Variants in SLC13A3 observed in about 807,000 individuals in gnomAD.
The protein encoded by SLC13A3 is solute carrier family 13 member 3, also known as Na(+)/dicarboxylate cotransporter 3.
In SLC13A3, 40 loss-of-function variants were observed where a neutral mutation model predicts 59.0. That is an observed-to-expected ratio of 0.68 (90% CI 0.53 to 0.88). The LOEUF (loss-of-function observed/expected upper bound fraction) is 0.88, where lower values mean the gene tolerates loss of function less well. Among genes scored for constraint, SLC13A3 ranks in the 40% least tolerant of loss-of-function variants. The pLI, the probability that SLC13A3 is intolerant of heterozygous loss-of-function variation, is 0.00. For missense variants in SLC13A3, 699 were observed against 783.2 expected, an observed-to-expected ratio of 0.89 and a Z score of 1.28; for synonymous variants, 317 against 330.3, an observed-to-expected ratio of 0.96 and a Z score of 0.44.
chr20:46,574,308 A>T (rs1177283246), intron 10 of SLC13A3, among the ~76,000 whole-genome samples: 1 of 152,196 alleles, frequency 6.6e-6, no homozygotes, highest in African/African-American at 2.4e-5. Flanking sequence ...AATTTAAGAG[A>T]GTTGCTTAAT....
chr20:46,674,517 T>G (rs2063110840), upstream of SLC13A3, among the ~76,000 whole-genome samples: 1 of 152,072 alleles, frequency 6.6e-6, no homozygotes, highest in African/African-American at 2.4e-5. Context: ...TTCTGTTTTT[T>G]GTTCCAAACC....
chr20:46,583,036 T>A, intron 9 of SLC13A3: 2 of 986,210 alleles, frequency 2.0e-6, no homozygotes, highest in Middle Eastern at 5.2e-4. Context: ...CATGTGTGGC[T>A]CCCTGGGCAA....
chr20:46,596,409 T>A (rs543757243), intron 4 of SLC13A3, 67 bp from the exon 5 acceptor site: 1 of 1,445,098 alleles, frequency 6.9e-7, no homozygotes, highest in African/African-American at 1.4e-5. Context: ...TGCCTGGGAG[T>A]TGGGGAGCTA....
rs572777149 is a variant in SLC13A3, at chr20:46,607,959, C to T, written c.541+2487G>A. On this transcript the variant is annotated intron_variant, in intron 3 of 12. Transcript: ENST00000279027. Reference sequence around the variant, plus strand: ...GCGCATAAACTAAGTGCACAGTAAACATTGGTTATTATTGCTTAGAGGCCC... The same window carrying T: ...GCGCATAAACTAAGTGCACAGTAAATATTGGTTATTATTGCTTAGAGGCCC... Among the ~76,000 whole-genome samples, 3 of 152,262 alleles carry T rather than the reference C, an allele frequency of 2.0e-5. No homozygotes were observed. In the South Asian group the frequency reaches 6.2e-4, roughly 32 times the overall value.
chr20:46,563,711 C>G (rs980921118), intron 11 of SLC13A3, among the ~76,000 whole-genome samples, 160 bp from the exon 12 acceptor site: 2 of 151,834 alleles, frequency 1.3e-5, no homozygotes, highest in African/African-American at 4.8e-5. Context: ...TGGCAGAGAA[C>G]AACAGGGACA....
upstream of SLC13A3, among the ~76,000 whole-genome samples, chr20:46,653,900 C>T (rs1164005532): frequency 6.6e-6 from 1 of 152,084 alleles, no homozygotes; most frequent in Admixed American, 6.6e-5. Flanking sequence ...CAGCTATAAA[C>T]ATAGGTGTAC....
chr20:46,665,566 C>T (rs145293580), intron 1 of SLC13A3, among the ~76,000 whole-genome samples: 2 of 152,336 alleles, frequency 1.3e-5, no homozygotes, highest in East Asian at 1.9e-4. Flanking sequence ...TGTCACAGCA[C>T]GCATTGGTAC....
At chr20:46,651,687 A>G (rs1302332306), upstream of SLC13A3, among the ~76,000 whole-genome samples, 2 of 152,224 alleles carry the variant, frequency 1.3e-5, no homozygotes, top group Non-Finnish European at 2.9e-5. Context: ...CTTCCCAGCA[A>G]TGTGGCCTGG....
chr20:46,678,022 A>G (rs2063136150), intron 1 of SLC13A3, among the ~76,000 whole-genome samples: 1 of 152,252 alleles, frequency 6.6e-6, no homozygotes, highest in Non-Finnish European at 1.5e-5. Flanking sequence ...AAAAGCAAAC[A>G]TTATGTGAAC....
chr20:46,566,630 C>T (rs1014253692), intron 10 of SLC13A3: 2 of 402,590 alleles, frequency 5.0e-6, no homozygotes, highest in Non-Finnish European at 8.8e-6. Context: ...GGCCAGGGAC[C>T]CAAACCCCTG....
chr20:46,650,133 AG>A (rs1458632132), intron 1 of SLC13A3, among the ~76,000 whole-genome samples: 2 of 152,208 alleles, frequency 1.3e-5, no homozygotes, highest in African/African-American at 2.4e-5. Flanking sequence ...GCACAGGTGA[AG>A]AACCCAAAAG....
intron 11 of SLC13A3, among the ~76,000 whole-genome samples, chr20:46,565,670 A>C (rs1364994798): frequency 6.6e-6 from 1 of 151,848 alleles, no homozygotes; most frequent in Non-Finnish European, 1.5e-5. Context: ...GGGTAGGGGG[A>C]AGGATTTGTT....
chr20:46,600,085 C>A, intron 3 of SLC13A3, 48 bp from the exon 4 acceptor site: 1 of 1,403,002 alleles, frequency 7.1e-7, no homozygotes, highest in Non-Finnish European at 9.7e-7. Flanking sequence ...GCGAATGGAA[C>A]AGGAGTGTCC....
intron 1 of SLC13A3, among the ~76,000 whole-genome samples, chr20:46,635,265 A>C (rs2425888): frequency 0.64 from 97,011 of 151,906 alleles, 30,984 homozygotes; most frequent in East Asian, 0.75. Flanking sequence ...TATATATGGG[A>C]CCCAAAGGGA....
intron 11 of SLC13A3, among the ~76,000 whole-genome samples, chr20:46,564,731 A>C (rs527664755): frequency 2.0e-5 from 3 of 152,232 alleles, no homozygotes; most frequent in Admixed American, 2.0e-4. Context: ...TCTCAGTCAC[A>C]GGAATTTCTC....
At chr20:46,671,494 G>T (rs79624320), upstream of SLC13A3, among the ~76,000 whole-genome samples, 3,655 of 152,044 alleles carry the variant, frequency 0.024, 137 homozygotes, top group African/African-American at 0.082. Flanking sequence ...TTGAATGTTA[G>T]AGTATATGTC....
intron 3 of SLC13A3, among the ~76,000 whole-genome samples, chr20:46,600,336 G>GA (rs1187729346): frequency 3.4e-5 from 5 of 146,156 alleles, no homozygotes; most frequent in African/African-American, 1.3e-4. Flanking sequence ...AGGAAGGAAG[G>GA]AAGGAAAGGA....
chr20:46,655,341 A>G (rs568595486), upstream of SLC13A3, among the ~76,000 whole-genome samples: 4 of 150,522 alleles, frequency 2.7e-5, no homozygotes, highest in African/African-American at 7.3e-5. Flanking sequence ...TCATTCATAT[A>G]TATATATACC....
chr20:46,626,048 T>G (rs8114560), intron 1 of SLC13A3, among the ~76,000 whole-genome samples: 75,388 of 151,722 alleles, frequency 0.5, 20,370 homozygotes, highest in African/African-American at 0.72. Context: ...ATATAAATGG[T>G]AGGAAAGTTG....
Sources: allele counts gnomAD v4.1 joint callset (sites outside exome capture counted in the v4.1 genomes callset), GRCh38; gene constraint gnomAD v4.1.1; transcripts MANE v1.5; gene names NCBI Gene and HGNC (gene_info 2026-07-23, HGNC 2026-07-21).